LARGE1: variants seen among roughly 807,000 people sequenced by gnomAD.
LARGE1 encodes the protein LARGE xylosyl- and glucuronyltransferase 1.
Under a neutral mutation model 87.6 loss-of-function variants are expected in LARGE1, and 43 were observed. The observed-to-expected ratio is 0.49, with a 90% CI of 0.38 to 0.63. LARGE1 has a LOEUF of 0.63. LARGE1 is among the 30% of genes least tolerant of loss of function. LARGE1 has a pLI of 0.00. For missense variants in LARGE1, 802 were observed against 1,000.2 expected (o/e 0.80, Z 2.67); for synonymous variants, 434 against 394.6 (o/e 1.10, Z -1.18).
rs892080487 is a variant in LARGE1, at chr22:33,387,398, G to C, written c.893-3094C>G. ...GCTGAGATTGCACCACTGTCCTCCA[G>C]TGGGGGTAACAGAGTGAGACTCTGT... On this transcript the variant is annotated intron_variant, in intron 7 of 14. Coordinates refer to ENST00000397394, the MANE Select transcript of LARGE1 (RefSeq NM_133642.5). Among the ~76,000 whole-genome samples the C allele has an allele frequency of 9.1e-5, 13 of 142,658 alleles. No individual in the cohort carries two copies. In the South Asian group the frequency reaches 1.6e-3, roughly 18 times the overall value. 93.6% of individuals were successfully genotyped at this position (142,658 alleles called of 152,430 possible). A position where few individuals can be genotyped will look rare whatever the true frequency, so the allele number is the denominator to read the frequency against.
chr22:33,200,548 A>G (rs1924327561), intron 11 of LARGE1, among the ~76,000 whole-genome samples: 1 of 152,164 alleles, frequency 6.6e-6, no homozygotes, highest in South Asian at 2.1e-4. Flanking sequence ...GAATTTATTC[A>G]TAACAGCATT....
chr22:33,166,955 A>C, intron 11 of LARGE1: 1 of 420,878 alleles, frequency 2.4e-6, no homozygotes, highest in South Asian at 1.8e-5. Flanking sequence ...TCTAAATTTC[A>C]GAGCGAAACT....
intron 3 of LARGE1, among the ~76,000 whole-genome samples, chr22:33,646,649 T>C (rs2080623925): frequency 6.6e-6 from 1 of 152,234 alleles, no homozygotes; most frequent in Admixed American, 6.5e-5. Context: ...ATGACTGTTT[T>C]ATGTTTCAAG....
chr22:33,795,863 G>C (rs1290247660), intron 1 of LARGE1, among the ~76,000 whole-genome samples: 1 of 151,994 alleles, frequency 6.6e-6, no homozygotes, highest in African/African-American at 2.4e-5. Context: ...GTGGGGGGAG[G>C]TGGGAGAGAT....
At chr22:33,176,750 G>T (rs186265370) in intron 11 of LARGE1, among the ~76,000 whole-genome samples, 199 of 152,270 alleles carry the variant, frequency 1.3e-3, no homozygotes, top group Non-Finnish European at 1.3e-3. Flanking sequence ...ACAGTGTGGC[G>T]ATTCCTCAAG....
intron 1 of LARGE1, among the ~76,000 whole-genome samples, chr22:33,808,191 C>T (rs1162504157): frequency 6.6e-6 from 1 of 152,198 alleles, no homozygotes; most frequent in African/African-American, 2.4e-5. Flanking sequence ...CAGGTTTTGG[C>T]CATTCTAATA....
At chr22:33,408,770 A>AG (rs67855250) in intron 7 of LARGE1, among the ~76,000 whole-genome samples, 9 of 150,656 alleles carry the variant, frequency 6.0e-5, no homozygotes, top group East Asian at 2.0e-4. Flanking sequence ...AAAAATGGCC[A>AG]GGGGGGGTCA....
At chr22:33,647,945 G>C (rs192815670) in intron 3 of LARGE1, among the ~76,000 whole-genome samples, 1 of 152,066 alleles carries the variant, frequency 6.6e-6, no homozygotes, top group Non-Finnish European at 1.5e-5. Context: ...TTTTAGTAGA[G>C]ACGGGGTTTC....
At chr22:33,374,737 C>T (rs2064936348) in intron 9 of LARGE1, among the ~76,000 whole-genome samples, 1 of 152,098 alleles carries the variant, frequency 6.6e-6, no homozygotes, top group South Asian at 2.1e-4. Context: ...ATCTTCTTTG[C>T]ATTACATTTA....
chr22:33,792,031 T>C (rs1230465041), intron 1 of LARGE1, among the ~76,000 whole-genome samples: 1 of 152,194 alleles, frequency 6.6e-6, no homozygotes, highest in Non-Finnish European at 1.5e-5. Flanking sequence ...CCAGAGAGCC[T>C]AAATGCAGAG....
At chr22:33,909,532 T>G (rs1047976773) in intron 1 of LARGE1, among the ~76,000 whole-genome samples, 1 of 151,344 alleles carries the variant, frequency 6.6e-6, no homozygotes, top group Non-Finnish European at 1.5e-5. Flanking sequence ...GTTTTTTTTT[T>G]TTTGTTTTTG....
chr22:33,205,085 A>G (rs1924611048), intron 11 of LARGE1, among the ~76,000 whole-genome samples: 1 of 152,188 alleles, frequency 6.6e-6, no homozygotes, highest in East Asian at 1.9e-4. Flanking sequence ...ACAACAGTAT[A>G]TACTGGTCAC....
At chr22:33,540,320 T>C (rs2077157326) in intron 6 of LARGE1, among the ~76,000 whole-genome samples, 1 of 152,170 alleles carries the variant, frequency 6.6e-6, no homozygotes, top group Non-Finnish European at 1.5e-5. Context: ...TGTTTGCTAG[T>C]GAAGAGTTTG....
intron 11 of LARGE1, among the ~76,000 whole-genome samples, chr22:33,200,463 T>C (rs1045512630): frequency 2.6e-5 from 4 of 152,146 alleles, no homozygotes; most frequent in Admixed American, 1.3e-4. Flanking sequence ...AGGGAGTTAC[T>C]ATGTGATCCA....
chr22:33,726,809 G>C (rs907281435), intron 2 of LARGE1, among the ~76,000 whole-genome samples: 8 of 152,292 alleles, frequency 5.3e-5, no homozygotes, highest in African/African-American at 1.9e-4. Flanking sequence ...CAAGACTGGG[G>C]GAATTGGGGT....
chr22:33,830,034 A>G (rs1312797706), intron 1 of LARGE1, among the ~76,000 whole-genome samples: 1 of 152,184 alleles, frequency 6.6e-6, no homozygotes, highest in Admixed American at 6.5e-5. Context: ...TGGGAAGATG[A>G]GGAATTCTCT....
At chr22:33,673,041 G>T (rs570809096) in intron 2 of LARGE1, among the ~76,000 whole-genome samples, 75 of 152,276 alleles carry the variant, frequency 4.9e-4, no homozygotes, top group Middle Eastern at 3.4e-3. Context: ...TTGGGAGGCT[G>T]AGGCAGGCAG....
chr22:33,304,141 G>T (rs1233336291), intron 12 of LARGE1, 88 bp downstream of exon 12: 2 of 1,459,226 alleles, frequency 1.4e-6, no homozygotes, highest in East Asian at 4.6e-5. Flanking sequence ...TGTTGGACTA[G>T]ATGATGACCC....
chr22:33,368,429 G>A (rs1004160537), intron 9 of LARGE1, among the ~76,000 whole-genome samples: 8 of 150,624 alleles, frequency 5.3e-5, no homozygotes, highest in African/African-American at 1.9e-4. Flanking sequence ...AGCTACTTGC[G>A]AGGCTGAGGC....
Sources: allele counts gnomAD v4.1 joint callset (sites outside exome capture counted in the v4.1 genomes callset), GRCh38; gene constraint gnomAD v4.1.1; transcripts MANE v1.5; gene names NCBI Gene and HGNC (gene_info 2026-07-23, HGNC 2026-07-21).